Variants in GRIA4 observed in about 807,000 individuals in gnomAD.
GRIA4 encodes glutamate ionotropic receptor AMPA type subunit 4.
A neutral mutation model predicts 104.0 loss-of-function variants in GRIA4; 34 were observed. The ratio of observed to expected loss-of-function variants is 0.33; its 90% CI spans 0.25 to 0.44. The LOEUF (loss-of-function observed/expected upper bound fraction) is 0.44. Ranked by LOEUF, GRIA4 falls within the 20% of genes least tolerant of loss-of-function variation. The pLI is 1.00. For synonymous variants in GRIA4, 386 were observed against 381.9 expected, an observed-to-expected ratio of 1.01 and a Z score of -0.13; for missense variants, 750 against 1,096.5, an observed-to-expected ratio of 0.68 and a Z score of 4.46.
At chr11:105,935,313 T>C (rs1299087955) in intron 14 of GRIA4, among the ~76,000 whole-genome samples, 1 of 152,116 alleles carries the variant, frequency 6.6e-6, no homozygotes, top group Non-Finnish European at 1.5e-5. Flanking sequence ...CTGTGGCAAT[T>C]CTGAAGTCAG....
rs548124891 is a variant in GRIA4 at position 105,937,703 on chromosome 11, T to C, written c.2294+3734T>C. On this transcript the variant is annotated intron_variant, in intron 14 of 16. Transcript: ENST00000282499. Reference sequence around the variant, plus strand: ...AACAGTGATAATTCTCATCCAAACTTTGCCTCCTCTAAAGAGGTTTGTGGA... The same window carrying C: ...AACAGTGATAATTCTCATCCAAACTCTGCCTCCTCTAAAGAGGTTTGTGGA... Among the ~76,000 whole-genome samples, 13 of 152,268 alleles carry C rather than the reference T, an allele frequency of 8.5e-5. No homozygotes were observed. In the Middle Eastern group the frequency reaches 0.01, roughly 120 times the overall value.
chr11:105,638,441 T>C (rs968920499), intron 3 of GRIA4, among the ~76,000 whole-genome samples: 5 of 152,138 alleles, frequency 3.3e-5, no homozygotes, highest in Admixed American at 6.6e-5. Flanking sequence ...AAGTAATACG[T>C]ACATCACTTT....
At chr11:105,699,907 T>C (rs1953423370) in intron 3 of GRIA4, among the ~76,000 whole-genome samples, 1 of 152,158 alleles carries the variant, frequency 6.6e-6, no homozygotes, top group Admixed American at 6.6e-5. Flanking sequence ...TACTTGTTTA[T>C]CACCTGTCTT....
chr11:105,890,705 G>A (rs182477178), intron 6 of GRIA4, among the ~76,000 whole-genome samples: 2 of 152,316 alleles, frequency 1.3e-5, no homozygotes, highest in African/African-American at 4.8e-5. Context: ...GAAGGTCCAA[G>A]AGGAGCCACA....
At chr11:105,713,087 T>C (rs913948734) in intron 3 of GRIA4, among the ~76,000 whole-genome samples, 1 of 152,062 alleles carries the variant, frequency 6.6e-6, no homozygotes, top group Non-Finnish European at 1.5e-5. Context: ...TAAAAAATAA[T>C]AATTCTGAAT....
At chr11:105,803,988 A>G (rs1241403692) in intron 4 of GRIA4, among the ~76,000 whole-genome samples, 4 of 151,752 alleles carry the variant, frequency 2.6e-5, no homozygotes, top group Non-Finnish European at 5.9e-5. Context: ...TTTGAAGAGG[A>G]GAAGAATGAG....
Position 105,659,984 on chromosome 11 carries a change from A to G in GRIA4, c.247+47550A>G, listed in dbSNP as rs141120966. 2.1e-4 allele frequency among the ~76,000 whole-genome samples: 32 copies of G among 151,908 alleles called. No individual in the cohort carries two copies. The East Asian group carries it at 6.2e-3, about 29-fold the overall frequency. On this transcript the variant is annotated intron_variant, in intron 3 of 16. Transcript: ENST00000282499. ...AAAACAATGGTAAAATTTTCAAAAT[A>G]ATAAAAATATTAAAATTCAAAGTCA...
chr11:105,865,794 A>T (rs1203999531), intron 5 of GRIA4, among the ~76,000 whole-genome samples: 2 of 152,214 alleles, frequency 1.3e-5, no homozygotes, highest in African/African-American at 4.8e-5. Flanking sequence ...TAGTAGCAAA[A>T]AAGCAACAAC....
At chr11:105,838,615 A>G (rs1488695316) in intron 4 of GRIA4, among the ~76,000 whole-genome samples, 2 of 152,198 alleles carry the variant, frequency 1.3e-5, no homozygotes, top group African/African-American at 4.8e-5. Context: ...CTTTCCATAA[A>G]TTGAACTAAA....
intron 6 of GRIA4, among the ~76,000 whole-genome samples, chr11:105,888,336 T>G (rs896520347): frequency 3.3e-5 from 4 of 122,360 alleles, no homozygotes; most frequent in Non-Finnish European, 6.4e-5. Flanking sequence ...CAGGCTGGAG[T>G]GCAGTGGCGG....
intron 3 of GRIA4, chr11:105,613,549 T>C (rs1054915135): frequency 6.6e-6 from 1 of 152,168 alleles, no homozygotes; most frequent in Non-Finnish European, 1.5e-5. Context: ...ATTCTTTCAG[T>C]ACAAGAAAGT....
intron 5 of GRIA4, among the ~76,000 whole-genome samples, chr11:105,872,641 C>A: frequency 6.6e-6 from 1 of 152,088 alleles, no homozygotes. Flanking sequence ...CCATCACCAC[C>A]AGCCCCATCA....
At chr11:105,950,246 G>A (rs774589496) in intron 14 of GRIA4, among the ~76,000 whole-genome samples, 1 of 152,130 alleles carries the variant, frequency 6.6e-6, no homozygotes, top group South Asian at 2.1e-4. Context: ...GGTGATAAAG[G>A]CTTCAACTAA....
At chr11:105,683,454 G>A (rs910394777) in intron 3 of GRIA4, among the ~76,000 whole-genome samples, 1 of 151,872 alleles carries the variant, frequency 6.6e-6, no homozygotes, top group Non-Finnish European at 1.5e-5. Flanking sequence ...CTTAACCAAG[G>A]CTCCTGAAGA....
intron 3 of GRIA4, among the ~76,000 whole-genome samples, chr11:105,693,564 A>T (rs2135501122): frequency 6.6e-6 from 1 of 152,214 alleles, no homozygotes; most frequent in East Asian, 1.9e-4. Context: ...TTTCCTGCAT[A>T]TTTACACAGG....
rs190764838 is a variant in GRIA4, at chr11:105,726,874, C to T, written c.248-26107C>T. On this transcript the variant is annotated intron_variant, in intron 3 of 16. Transcript: ENST00000282499. ...AAGGACAACCAAGCAAAAACTCCAT[C>T]CAAAGGTCACCAACAGCAAAGACCA... is the stretch of plus-strand genomic sequence containing the variant. Among the ~76,000 whole-genome samples, 750 of 152,064 alleles carry T rather than the reference C, an allele frequency of 4.9e-3. 5 individuals are homozygous for T. Among genetic ancestry groups the T allele is most frequent in the Non-Finnish European group, 6.0e-3 (405 of 67,974 alleles).
intron 4 of GRIA4, among the ~76,000 whole-genome samples, chr11:105,794,473 GTATATATATATATATATATATATATATA>G (rs71041629): frequency 2.3e-5 from 1 of 43,920 alleles, no homozygotes; most frequent in African/African-American, 1.0e-4. Context: ...GTATATGTAT[GTATATATATATATATATATATATATATA>G]TATATATATA....
intron 10 of GRIA4, chr11:105,912,922 T>C: frequency 2.0e-6 from 2 of 978,796 alleles, no homozygotes; most frequent in Non-Finnish European, 2.4e-6. Context: ...CTAGACATTT[T>C]AATATATGTG....
intron 3 of GRIA4, among the ~76,000 whole-genome samples, chr11:105,700,107 T>C (rs1953432935): frequency 6.6e-6 from 1 of 152,226 alleles, no homozygotes; most frequent in Non-Finnish European, 1.5e-5. Flanking sequence ...TATTTTATTA[T>C]ATGACACTGG....
Sources: allele counts gnomAD v4.1 joint callset (sites outside exome capture counted in the v4.1 genomes callset), GRCh38; gene constraint gnomAD v4.1.1; transcripts MANE v1.5; gene names NCBI Gene and HGNC (gene_info 2026-07-23, HGNC 2026-07-21).